Variants in PAFAH2 observed in about 807,000 individuals in gnomAD.
PAFAH2 encodes the protein platelet-activating factor acetylhydrolase 2, cytoplasmic.
A neutral mutation model predicts 49.0 loss-of-function variants in PAFAH2; 42 were observed. That is an observed-to-expected ratio of 0.86 (90% CI 0.67 to 1.11). The LOEUF is 1.11. Among genes scored for constraint, PAFAH2 ranks in the 50% least tolerant of loss-of-function variants. PAFAH2 has a pLI of 0.00. For synonymous variants in PAFAH2, 184 were observed against 181.3 expected (o/e 1.01, Z -0.12); for missense variants, 503 against 501.8 (o/e 1.00, Z -0.02).
At chr1:25,968,534 G>A (rs376199445) in intron 10 of PAFAH2, among the ~76,000 whole-genome samples, 6 of 152,206 alleles carry the variant, frequency 3.9e-5, no homozygotes, top group African/African-American at 1.2e-4. Flanking sequence ...TTAATATGAA[G>A]GAAGCACCAG....
chr1:25,965,202 G>C (rs2049400872), intron 10 of PAFAH2, among the ~76,000 whole-genome samples: 1 of 152,100 alleles, frequency 6.6e-6, no homozygotes, highest in Non-Finnish European at 1.5e-5. Context: ...GGAAAAATTG[G>C]ATAGCCATAT....
chr1:25,972,839 AG>A lies in PAFAH2; in HGVS notation c.930-128del, dbSNP rs1250485112. On this transcript the variant is annotated intron_variant, in intron 9 of 10. Coordinates refer to ENST00000374282, the MANE Select transcript of PAFAH2 (RefSeq NM_000437.4). ...ACTTTATTTTCACAGCAACCTTGTA[AG>A]GGAAGTATTTTCCCCCTTGACAGAA... The A allele has an allele frequency of 7.5e-6, 7 of 937,492 alleles. No individual in the cohort carries two copies. In the African/African-American group the frequency reaches 1.2e-4, roughly 15 times the overall value. 58.1% of individuals were successfully genotyped at this position (937,492 alleles called of 1,614,324 possible). A position where few individuals can be genotyped will look rare whatever the true frequency, so the allele number is the denominator to read the frequency against.
intron 6 of PAFAH2, among the ~76,000 whole-genome samples, chr1:25,983,256 T>G (rs570642068): frequency 6.6e-6 from 1 of 152,102 alleles, no homozygotes; most frequent in Admixed American, 6.6e-5. Flanking sequence ...TGGTGGTGTG[T>G]GCCTGTAGTC....
In PAFAH2 at chr1:25,966,949, G is replaced by A. The variant is rs183598079; in HGVS notation, c.1085-4866C>T. Among the ~76,000 whole-genome samples, 399 of 149,218 alleles carry A rather than the reference G, an allele frequency of 2.7e-3. 2 individuals are homozygous for A. Among genetic ancestry groups the A allele is most frequent in the African/African-American group, 8.1e-3 (330 of 40,926 alleles). Reference sequence around the variant, plus strand: ...CGGGAGGCTGAGGCAGGAGAATGGCGTGAACCTGGGAGGCGGAGCTTGCAG... The same window carrying A: ...CGGGAGGCTGAGGCAGGAGAATGGCATGAACCTGGGAGGCGGAGCTTGCAG... On this transcript the variant is annotated intron_variant, in intron 10 of 10. Transcript: ENST00000374282.
chr1:25,961,922 TG>T lies in PAFAH2; in HGVS notation c.*66del. ...TTGATCACTTCTTGATAGGAGCTCA[TG>T]GGTGCCCTTGGGTAGCTCCCAAATG... On this transcript the variant is annotated 3_prime_UTR_variant, in exon 11 of 11. Transcript: ENST00000374282. The T allele has an allele frequency of 8.7e-7, 1 of 1,148,020 alleles. No individual in the cohort carries two copies. Among genetic ancestry groups the T allele is most frequent in the Non-Finnish European group, 1.3e-6 (1 of 761,504 alleles). The allele number at this position is 1,148,020 out of a possible 1,614,324, so 71.1% of individuals were successfully genotyped here.
intron 8 of PAFAH2, among the ~76,000 whole-genome samples, chr1:25,975,307 G>A (rs1313628985): frequency 6.6e-6 from 1 of 152,248 alleles, no homozygotes; most frequent in East Asian, 1.9e-4. Flanking sequence ...GCTGGGCATG[G>A]TGGTTCATCC....
intron 1 of PAFAH2, 129 bp downstream of exon 1, chr1:25,997,896 A>G (rs2049958576): frequency 6.6e-6 from 1 of 152,246 alleles, no homozygotes; most frequent in Non-Finnish European, 1.5e-5. Context: ...CTGAATAGGA[A>G]ACGTAAAGGA....
At position 25,960,690 on chromosome 1, in the gene PAFAH2, T is replaced by G. The variant is rs890918951; in HGVS notation, c.*1299A>C. 6.6e-6 allele frequency: 1 copy of G among 152,616 alleles called. No individual in the cohort carries two copies. The highest frequency in any genetic ancestry group is 2.4e-5 in the African/African-American group (1 of 41,464). 9.5% of individuals were successfully genotyped at this position (152,616 alleles called of 1,614,324 possible). The stretch of plus-strand genomic sequence containing the variant: ...ACAGACAATAAAAGCACCCTGATTC[T>G]GAGCAAGTTGGAGGTTTATAATATT... On this transcript the variant is annotated 3_prime_UTR_variant, in exon 11 of 11. Transcript: ENST00000374282.
At chr1:25,971,932 T>C (rs1475564362) in intron 10 of PAFAH2, among the ~76,000 whole-genome samples, 1 of 152,104 alleles carries the variant, frequency 6.6e-6, no homozygotes, top group African/African-American at 2.4e-5. Context: ...TGGGCAATAA[T>C]GAGTCTGGGT....
At chr1:25,984,845 C>CTTTTTTTTTTTTTTT in intron 4 of PAFAH2, among the ~76,000 whole-genome samples, 1 of 104,282 alleles carries the variant, frequency 9.6e-6, no homozygotes, top group Non-Finnish European at 1.8e-5. Flanking sequence ...AGAGAGATTT[C>CTTTTTTTTTTTTTTT]TTTTTTTTTT....
At chr1:25,995,960 G>A (rs905430261) in intron 1 of PAFAH2, among the ~76,000 whole-genome samples, 3 of 152,136 alleles carry the variant, frequency 2.0e-5, no homozygotes, top group Non-Finnish European at 2.9e-5. Context: ...GGGGGACAAA[G>A]GTTTTGATGA....
At chr1:25,984,219 A>G in intron 5 of PAFAH2, 132 bp from the exon 6 acceptor site, 1 of 1,039,428 alleles carries the variant, frequency 9.6e-7, no homozygotes, top group Non-Finnish European at 1.4e-6. Flanking sequence ...GATCTGGGGC[A>G]TGCATAGGGA....
At chr1:25,963,047 G>A (rs1214085952) in intron 10 of PAFAH2, among the ~76,000 whole-genome samples, 2 of 152,142 alleles carry the variant, frequency 1.3e-5, no homozygotes, top group Non-Finnish European at 2.9e-5. Flanking sequence ...TACACGGCAA[G>A]AACAGGCACA....
chr1:25,976,639 C>A, intron 8 of PAFAH2, 43 bp downstream of exon 8: 1 of 1,332,332 alleles, frequency 7.5e-7, no homozygotes, highest in Non-Finnish European at 1.1e-6. Context: ...AATGAATAAA[C>A]GGTGTATGGA....
intron 1 of PAFAH2, among the ~76,000 whole-genome samples, chr1:25,996,968 A>ACACC (rs1328095307): frequency 6.6e-6 from 1 of 152,204 alleles, no homozygotes; most frequent in African/African-American, 2.4e-5. Flanking sequence ...CAGGCCTCAG[A>ACACC]CACCCCTACC....
chr1:25,977,295 G>A (rs1268890856), intron 7 of PAFAH2, among the ~76,000 whole-genome samples: 1 of 149,514 alleles, frequency 6.7e-6, no homozygotes, highest in Non-Finnish European at 1.5e-5. Context: ...CACCGCGCCC[G>A]GCTCATGTTT....
chr1:25,990,886 G>A lies in PAFAH2; in HGVS notation c.-47-23C>T, dbSNP rs2049863096. The A allele has an allele frequency of 3.2e-6, 4 of 1,244,214 alleles. 1 individual carries two copies. The highest frequency in any genetic ancestry group is 1.2e-6 in the Non-Finnish European group (1 of 851,820). 77.1% of individuals were successfully genotyped at this position (1,244,214 alleles called of 1,614,324 possible). On this transcript the variant is annotated intron_variant, in intron 1 of 10. Coordinates refer to ENST00000374282, the MANE Select transcript of PAFAH2 (RefSeq NM_000437.4). ...TGGCTGGATGGGGGAACACAGAACA[G>A]CAGCCGCTTGCTGGTTTCCTCTCGG...
chr1:25,990,184 T>C (rs2049851972), intron 2 of PAFAH2, among the ~76,000 whole-genome samples: 1 of 152,082 alleles, frequency 6.6e-6, no homozygotes, highest in Non-Finnish European at 1.5e-5. Context: ...GGAGAGTCGC[T>C]TGAGGCCAGG....
chr1:25,980,630 T>G (rs1557522646), intron 7 of PAFAH2, among the ~76,000 whole-genome samples: 1 of 147,184 alleles, frequency 6.8e-6, no homozygotes, highest in African/African-American at 2.5e-5. Context: ...TATATATATA[T>G]ATTTTATATA....
Sources: allele counts gnomAD v4.1 joint callset (sites outside exome capture counted in the v4.1 genomes callset), GRCh38; gene constraint gnomAD v4.1.1; transcripts MANE v1.5; gene names NCBI Gene and HGNC (gene_info 2026-07-23, HGNC 2026-07-21).